Variants in RTL9 observed in about 807,000 individuals in gnomAD.
The protein encoded by RTL9 is retrotransposon Gag like 9.
In RTL9, 19 loss-of-function variants were observed where a neutral mutation model predicts 44.7. The ratio of observed to expected loss-of-function variants is 0.42; its 90% confidence interval spans 0.30 to 0.62. The LOEUF (loss-of-function observed/expected upper bound fraction) is 0.62, where lower values mean the gene tolerates loss of function less well. Among genes scored for constraint, RTL9 ranks in the 20% least tolerant of loss-of-function variants. The pLI is 0.16. For missense variants in RTL9, 1,105 were observed against 1,080.6 expected, an observed-to-expected ratio of 1.02 and a Z score of -0.32; for synonymous variants, 407 against 398.9, an observed-to-expected ratio of 1.02 and a Z score of -0.24.
At chrX:110,425,654 A>G (rs1376127851) in intron 1 of RTL9, among the ~76,000 whole-genome samples, 1 of 112,479 alleles carries the variant, frequency 8.9e-6, no homozygotes, top group Non-Finnish European at 1.9e-5. Flanking sequence ...ACACTCACTA[A>G]TTCATTTAAT....
At chrX:110,450,467 T>C, upstream of RTL9, 1 of 493,788 alleles carries the variant, frequency 2.0e-6, no homozygotes, top group East Asian at 3.4e-5. Context: ...GCCATATACC[T>C]GACAACGCAT....
chrX:110,409,138 G>A (rs1164335938), intron 1 of RTL9, among the ~76,000 whole-genome samples: 1 of 111,472 alleles, frequency 9.0e-6, no homozygotes, highest in African/African-American at 3.3e-5. Context: ...GCTGGAGTCA[G>A]GCATGTAGGT....
exon 1 of RTL9, chrX:110,452,359 C>T: frequency 3.3e-6 from 4 of 1,211,832 alleles, no homozygotes; most frequent in Non-Finnish European, 4.5e-6. Flanking sequence ...CCACTAATGA[C>T]AGCCCAAACC....
At chrX:110,448,325 T>C (rs2068919788), upstream of RTL9, among the ~76,000 whole-genome samples, 1 of 111,219 alleles carries the variant, frequency 9.0e-6, no homozygotes, top group East Asian at 2.8e-4. Context: ...CCTCTGCCTG[T>C]GCTTCCATGT....
intron 1 of RTL9, among the ~76,000 whole-genome samples, chrX:110,408,185 G>A (rs956622450): frequency 1.8e-5 from 2 of 112,550 alleles, no homozygotes; most frequent in African/African-American, 6.5e-5. Flanking sequence ...TGAGGCTTAG[G>A]AGTCCTGCCA....
chrX:110,437,923 C>T (rs1169847762), intron 1 of RTL9, among the ~76,000 whole-genome samples: 2 of 111,798 alleles, frequency 1.8e-5, no homozygotes, highest in Non-Finnish European at 3.8e-5. Flanking sequence ...TCCCCTATCT[C>T]TTATCCTGTG....
At chrX:110,362,266 GC>G (rs1428033364) in intron 1 of RTL9, among the ~76,000 whole-genome samples, 1 of 111,426 alleles carries the variant, frequency 9.0e-6, no homozygotes, top group Non-Finnish European at 1.9e-5. Context: ...TAAAACTTAA[GC>G]TTGTTATATA....
intron 1 of RTL9, among the ~76,000 whole-genome samples, chrX:110,410,050 G>T (rs765028446): frequency 3.9e-4 from 44 of 111,941 alleles, no homozygotes; most frequent in African/African-American, 1.3e-3. Flanking sequence ...CAGTATCACT[G>T]GTGATTTTGA....
At chrX:110,391,547 T>C (rs2068493535) in intron 1 of RTL9, among the ~76,000 whole-genome samples, 1 of 112,268 alleles carries the variant, frequency 8.9e-6, no homozygotes. Flanking sequence ...TTCCTACCTC[T>C]GGCTTTTGCT....
At chrX:110,418,864 A>C (rs932689634), upstream of RTL9, among the ~76,000 whole-genome samples, 1 of 111,559 alleles carries the variant, frequency 9.0e-6, no homozygotes, top group Non-Finnish European at 1.9e-5. Context: ...GCTCATCATA[A>C]ACATGCTAAA....
At chrX:110,452,877 A>T (rs1180197688) in exon 1 of RTL9, 1 of 1,211,234 alleles carries the variant, frequency 8.3e-7, no homozygotes, top group Admixed American at 2.2e-5. Flanking sequence ...CTCTGATGTG[A>T]TGTCCACACC....
At chrX:110,403,617 TC>T (rs1294338352) in intron 1 of RTL9, among the ~76,000 whole-genome samples, 1 of 111,434 alleles carries the variant, frequency 9.0e-6, no homozygotes, top group Non-Finnish European at 1.9e-5. Context: ...TTGGCCAGAC[TC>T]CCCTTACCCA....
chrX:110,390,207 T>C (rs2068485358), intron 1 of RTL9, among the ~76,000 whole-genome samples: 1 of 111,994 alleles, frequency 8.9e-6, no homozygotes, highest in South Asian at 3.7e-4. Flanking sequence ...ACTGAATTCC[T>C]ACAAGGTACA....
exon 1 of RTL9, chrX:110,453,527 G>A: frequency 8.3e-7 from 1 of 1,211,642 alleles, no homozygotes; most frequent in Non-Finnish European, 1.1e-6. Flanking sequence ...TGTCAGCCAT[G>A]GCTTCTGGAG....
chrX:110,425,996 AC>A, intron 1 of RTL9, among the ~76,000 whole-genome samples: 2 of 112,064 alleles, frequency 1.8e-5, no homozygotes, highest in African/African-American at 6.5e-5. Flanking sequence ...ACACACACAC[AC>A]AAACGCACAC....
chrX:110,442,245 C>G (rs867301267), intron 1 of RTL9, among the ~76,000 whole-genome samples: 19 of 100,826 alleles, frequency 1.9e-4, no homozygotes, highest in South Asian at 4.3e-4. Context: ...CTCTCTCTCT[C>G]TCTGTGTGTG....
exon 1 of RTL9, chrX:110,452,819 G>A (rs377652967): frequency 4.6e-5 from 56 of 1,208,315 alleles, no homozygotes; most frequent in Admixed American, 6.6e-5. Context: ...TGTCCATGTC[G>A]CCCATGAAGT....
At chrX:110,410,480 C>T (rs1182338724) in intron 1 of RTL9, among the ~76,000 whole-genome samples, 1 of 112,156 alleles carries the variant, frequency 8.9e-6, no homozygotes, top group East Asian at 2.8e-4. Flanking sequence ...TAATTATCCA[C>T]CTATTTTCTT....
At chrX:110,453,778 T>C in exon 1 of RTL9, 2 of 1,211,078 alleles carry the variant, frequency 1.7e-6, no homozygotes, top group Non-Finnish European at 2.2e-6. Flanking sequence ...GGATGTGGCA[T>C]GGGTATGTCC....
Sources: gnomAD v4.1 joint callset for allele counts (sites outside exome capture counted in the v4.1 genomes callset) on GRCh38, gnomAD v4.1.1 for gene constraint, MANE v1.5 for transcripts, NCBI Gene and HGNC (gene_info 2026-07-23, HGNC 2026-07-21) for gene names.